The following ROR1 variants were observed in gnomAD, a reference collection of about 807,000 sequenced individuals.
The protein encoded by ROR1 is inactive tyrosine-protein kinase transmembrane receptor ROR1.
In ROR1, 19 loss-of-function variants were observed where a neutral mutation model predicts 78.8. The ratio of observed to expected loss-of-function variants is 0.24; its 90% CI spans 0.17 to 0.35. The LOEUF is 0.35. Ranked by LOEUF, ROR1 falls within the 10% of genes least tolerant of loss-of-function variation. The pLI is 1.00. For synonymous variants in ROR1, 386 were observed against 433.6 expected (o/e 0.89, Z 1.36); for missense variants, 917 against 1,177.8 (o/e 0.78, Z 3.24).
chr1:63,906,423 G>A (rs1157908379), intron 1 of ROR1, among the ~76,000 whole-genome samples: 2 of 152,302 alleles, frequency 1.3e-5, no homozygotes, highest in Admixed American at 6.5e-5. Flanking sequence ...GTATGCCTGC[G>A]AATGACCTTT....
chr1:64,011,365 G>T (rs754165024), intron 2 of ROR1, among the ~76,000 whole-genome samples: 11 of 152,218 alleles, frequency 7.2e-5, no homozygotes, highest in Non-Finnish European at 1.2e-4. Flanking sequence ...CTCTGTGCCA[G>T]GCACTGTGCT....
intron 1 of ROR1, among the ~76,000 whole-genome samples, chr1:63,815,005 T>C (rs1051689039): frequency 1.3e-5 from 2 of 152,214 alleles, no homozygotes; most frequent in African/African-American, 2.4e-5. Flanking sequence ...CCTGCCAGCC[T>C]TTTTCCTTTC....
chr1:63,941,422 C>A (rs774624401), intron 1 of ROR1, among the ~76,000 whole-genome samples: 1 of 152,022 alleles, frequency 6.6e-6, no homozygotes, highest in African/African-American at 2.4e-5. Context: ...ATTACTCTGG[C>A]GTTGTCTGGA....
chr1:64,071,834 G>A (rs1289331448), intron 4 of ROR1, among the ~76,000 whole-genome samples: 5 of 152,186 alleles, frequency 3.3e-5, no homozygotes, highest in African/African-American at 7.2e-5. Flanking sequence ...GCAGGGTTCT[G>A]TGGGATGAAG....
At chr1:64,173,749 C>G (rs1650304880) in intron 8 of ROR1, among the ~76,000 whole-genome samples, 1 of 152,208 alleles carries the variant, frequency 6.6e-6, no homozygotes, top group Admixed American at 6.5e-5. Context: ...CCACGAAGCC[C>G]CAAGGCCATG....
intron 2 of ROR1, among the ~76,000 whole-genome samples, chr1:64,026,911 T>C (rs1646615999): frequency 6.6e-6 from 1 of 152,150 alleles, no homozygotes; most frequent in Non-Finnish European, 1.5e-5. Flanking sequence ...CCCAACCATA[T>C]CAATATCTCT....
chr1:63,940,426 T>C (rs949735495), intron 1 of ROR1, among the ~76,000 whole-genome samples: 10 of 151,960 alleles, frequency 6.6e-5, no homozygotes, highest in African/African-American at 2.4e-4. Context: ...GAATAAAATA[T>C]GAAGCCACAA....
At chr1:63,786,342 T>G (rs556212805) in intron 1 of ROR1, among the ~76,000 whole-genome samples, 65 of 137,206 alleles carry the variant, frequency 4.7e-4, no homozygotes, top group Admixed American at 9.6e-4. Flanking sequence ...GCACAATCTC[T>G]GCTCACTGCA....
chr1:64,102,122 A>G lies in ROR1; in HGVS notation c.483-35247A>G, dbSNP rs377644877. ...GCTGGGGAGAGGTCTGGAGAGAATG[A>G]GAGACAGAGGCACCAATAGCTAAGT... On this transcript the variant is annotated intron_variant, in intron 4 of 8. Transcript: ENST00000371079. Among the ~76,000 whole-genome samples the G allele has an allele frequency of 7.5e-4, 114 of 152,284 alleles. 2 individuals are homozygous for G. Among genetic ancestry groups the G allele is most frequent in the African/African-American group, 2.3e-3 (97 of 41,562 alleles).
intron 1 of ROR1, among the ~76,000 whole-genome samples, chr1:63,915,036 G>A (rs116621235): frequency 0.01 from 1,538 of 152,252 alleles, 8 homozygotes; most frequent in Middle Eastern, 0.027. Context: ...TGAATACATC[G>A]TGCTTGGTAT....
rs1646814202 is a variant in ROR1, at chr1:64,049,818, T to C, written c.291T>C (p.Pro97=). The change falls in exon 3 of 9, where the codon CCT becomes CCC. Residue 97 remains proline, a synonymous_variant. Transcript: ENST00000371079. ...PTIRWFKNDA[P]VVQEPRRLSF... is the part of the protein sequence containing the mutation. ...TCCGCTGGTTCAAAAATGATGCTCC[T>C]GTGGTCCAGGAGCCCCGGAGGCTCT... 9 of 1,614,226 alleles carry C rather than the reference T, an allele frequency of 5.6e-6. No individual in the cohort carries two copies. In the East Asian group the frequency reaches 2.0e-4, roughly 36 times the overall value.
intron 4 of ROR1, among the ~76,000 whole-genome samples, chr1:64,075,218 AT>A: frequency 6.6e-6 from 1 of 152,336 alleles, no homozygotes; most frequent in South Asian, 2.1e-4. Flanking sequence ...AATGTTTTAA[AT>A]TTAATAAAAT....
chr1:63,985,753 AAAGT>A (rs1225945090), intron 1 of ROR1, among the ~76,000 whole-genome samples: 2 of 151,332 alleles, frequency 1.3e-5, no homozygotes, highest in Non-Finnish European at 2.9e-5. Context: ...ATATATATAT[AAAGT>A]AAGATTACCT....
intron 7 of ROR1, among the ~76,000 whole-genome samples, chr1:64,156,247 C>T (rs1649766563): frequency 1.3e-5 from 2 of 152,298 alleles, no homozygotes; most frequent in Non-Finnish European, 2.9e-5. Flanking sequence ...CTGAAGGTCA[C>T]GTAGATAATG....
At chr1:63,966,316 G>A (rs140762731) in intron 1 of ROR1, among the ~76,000 whole-genome samples, 56 of 152,272 alleles carry the variant, frequency 3.7e-4, no homozygotes, top group Non-Finnish European at 6.5e-4. Context: ...GGTCTCCCGC[G>A]TGGATTCCTC....
intron 4 of ROR1, among the ~76,000 whole-genome samples, chr1:64,136,069 A>C (rs1273969027): frequency 2.6e-5 from 4 of 152,198 alleles, no homozygotes; most frequent in African/African-American, 9.7e-5. Flanking sequence ...CTGTCTTTTA[A>C]ATAAATGTCC....
intron 4 of ROR1, among the ~76,000 whole-genome samples, chr1:64,085,535 G>A (rs762200778): frequency 3.3e-5 from 5 of 152,138 alleles, no homozygotes; most frequent in Non-Finnish European, 5.9e-5. Context: ...TGTTTATTCA[G>A]CCTAGTAAAA....
At chr1:63,897,901 C>T (rs546532638) in intron 1 of ROR1, among the ~76,000 whole-genome samples, 1 of 152,310 alleles carries the variant, frequency 6.6e-6, no homozygotes, top group East Asian at 1.9e-4. Flanking sequence ...TTCAGGGACC[C>T]AGCCTGCAGA....
intron 1 of ROR1, among the ~76,000 whole-genome samples, chr1:63,915,380 T>C (rs1426273336): frequency 1.3e-5 from 2 of 151,980 alleles, no homozygotes; most frequent in Admixed American, 6.6e-5. Flanking sequence ...ACATAAAAAG[T>C]GTTTGGAGAG....
Sources: allele counts gnomAD v4.1 joint callset (sites outside exome capture counted in the v4.1 genomes callset), GRCh38; gene constraint gnomAD v4.1.1; transcripts MANE v1.5; gene names NCBI Gene and HGNC (gene_info 2026-07-23, HGNC 2026-07-21).